TRHDE: variants seen among roughly 807,000 people sequenced by gnomAD.
The protein encoded by TRHDE is thyrotropin-releasing hormone-degrading ectoenzyme.
In TRHDE, 72 loss-of-function variants were observed where a neutral mutation model predicts 125.7. That is an observed-to-expected ratio of 0.57 (90% CI 0.47 to 0.70). TRHDE has a LOEUF of 0.70. TRHDE is among the 30% of genes least tolerant of loss of function. The pLI is 0.00. For missense variants in TRHDE, 1,110 were observed against 1,327.1 expected (o/e 0.84, Z 2.54); for synonymous variants, 509 against 509.1 (o/e 1.00, Z 0.00).
chr12:72,624,249 T>A (rs1195865362), intron 15 of TRHDE, among the ~76,000 whole-genome samples: 1 of 144,148 alleles, frequency 6.9e-6, no homozygotes, highest in East Asian at 2.0e-4. Flanking sequence ...AGGAAAGAAC[T>A]TTTTTTTTTT....
intron 2 of TRHDE, among the ~76,000 whole-genome samples, chr12:72,373,718 G>T (rs191187271): frequency 1.3e-4 from 20 of 152,270 alleles, no homozygotes; most frequent in African/African-American, 4.8e-4. Context: ...CTAGCCATGG[G>T]GCTATCTAGG....
chr12:72,550,633 C>T (rs550206305), intron 7 of TRHDE, among the ~76,000 whole-genome samples: 10 of 151,816 alleles, frequency 6.6e-5, no homozygotes, highest in South Asian at 4.2e-4. Flanking sequence ...TAATATATTT[C>T]GCTTTGTCCA....
intron 5 of TRHDE, among the ~76,000 whole-genome samples, chr12:72,477,578 G>C (rs1167297396): frequency 6.6e-6 from 1 of 152,104 alleles, no homozygotes; most frequent in Non-Finnish European, 1.5e-5. Context: ...ATTATTGGAT[G>C]GATTAAGTTA....
At chr12:72,096,191 G>T (rs1160806014) in intron 1 of TRHDE, among the ~76,000 whole-genome samples, 1 of 147,738 alleles carries the variant, frequency 6.8e-6, no homozygotes. Context: ...GTATTTCTCT[G>T]GAGCACTCTG....
chr12:72,332,522 G>A (rs141062238), intron 2 of TRHDE, among the ~76,000 whole-genome samples: 66 of 152,170 alleles, frequency 4.3e-4, no homozygotes, highest in African/African-American at 1.4e-3. Context: ...TGAGAGATCC[G>A]CCCCCATGAT....
chr12:72,238,275 AATATATATATATAT>A (rs71071820), intron 2 of TRHDE, among the ~76,000 whole-genome samples: 1,073 of 38,184 alleles, frequency 0.028, 58 homozygotes, highest in Non-Finnish European at 0.036. Flanking sequence ...TCAGATCCTT[AATATATATATATAT>A]ATATATATAT....
intron 2 of TRHDE, among the ~76,000 whole-genome samples, chr12:72,243,742 A>G (rs1473921732): frequency 2.0e-5 from 3 of 152,162 alleles, no homozygotes; most frequent in Non-Finnish European, 2.9e-5. Context: ...CTGTTTTAAG[A>G]CCTTTTCAAC....
chr12:72,567,338 A>G (rs1432505825), intron 9 of TRHDE, among the ~76,000 whole-genome samples: 1 of 151,886 alleles, frequency 6.6e-6, no homozygotes, highest in African/African-American at 2.4e-5. Flanking sequence ...AGTATAGGAT[A>G]TAGTTTTAAA....
chr12:72,146,512 T>G (rs1876229917), intron 2 of TRHDE, among the ~76,000 whole-genome samples: 1 of 152,160 alleles, frequency 6.6e-6, no homozygotes, highest in Non-Finnish European at 1.5e-5. Context: ...AATTAATGGG[T>G]CAGAAAAGAG....
intron 2 of TRHDE, among the ~76,000 whole-genome samples, chr12:72,261,656 T>C (rs889080106): frequency 1.3e-5 from 2 of 152,138 alleles, no homozygotes; most frequent in Non-Finnish European, 2.9e-5. Flanking sequence ...ATAGAGTTTG[T>C]GGGCAAAATG....
chr12:72,512,516 TATATATAATATATATGATTATATATATTC>T, intron 6 of TRHDE, among the ~76,000 whole-genome samples: 1 of 137,624 alleles, frequency 7.3e-6, no homozygotes, highest in African/African-American at 2.7e-5. Context: ...ATAATTATAT[TATATATAATATATATGATTATATATATTC>T]ATATATAATC....
chr12:72,646,969 T>C (rs1379355579), intron 15 of TRHDE, among the ~76,000 whole-genome samples: 1 of 151,926 alleles, frequency 6.6e-6, no homozygotes, highest in African/African-American at 2.4e-5. Flanking sequence ...ATAAACCAAA[T>C]GGACTTAACA....
chr12:72,271,937 G>T (rs1414863209), upstream of TRHDE: 1 of 456,510 alleles, frequency 2.2e-6, no homozygotes, highest in Non-Finnish European at 4.4e-6. Flanking sequence ...GCCGTTTGCC[G>T]CCACCGCCGC....
At chr12:72,612,041 C>T (rs1565809838) in intron 12 of TRHDE, among the ~76,000 whole-genome samples, 2 of 152,280 alleles carry the variant, frequency 1.3e-5, no homozygotes, top group East Asian at 1.9e-4. Flanking sequence ...CAACTTTATA[C>T]CCTAACCTTT....
At chr12:72,161,178 T>C (rs1390853592) in intron 2 of TRHDE, among the ~76,000 whole-genome samples, 1 of 152,166 alleles carries the variant, frequency 6.6e-6, no homozygotes, top group Non-Finnish European at 1.5e-5. Flanking sequence ...CTCATACCTG[T>C]AATCCCAGCA....
At chr12:72,446,004 G>A (rs1427822072) in intron 3 of TRHDE, among the ~76,000 whole-genome samples, 3 of 151,756 alleles carry the variant, frequency 2.0e-5, no homozygotes, top group Non-Finnish European at 2.9e-5. Flanking sequence ...ATCCCCATTT[G>A]TATTTCTCCT....
chr12:72,605,498 C>T (rs188610170), intron 12 of TRHDE, among the ~76,000 whole-genome samples: 1 of 152,016 alleles, frequency 6.6e-6, no homozygotes, highest in Admixed American at 6.6e-5. Context: ...GTGGACACAA[C>T]TGTATTTTAG....
chr12:72,362,803 C>T (rs1242909050), intron 2 of TRHDE, among the ~76,000 whole-genome samples: 1 of 152,050 alleles, frequency 6.6e-6, no homozygotes, highest in Non-Finnish European at 1.5e-5. Context: ...TTTCCCAGCA[C>T]CATTTATTAA....
At chr12:72,602,997 G>C (rs1270098195) in intron 12 of TRHDE, among the ~76,000 whole-genome samples, 1 of 152,108 alleles carries the variant, frequency 6.6e-6, no homozygotes, top group African/African-American at 2.4e-5. Context: ...GTTAGCAATA[G>C]CCATAACAAC....
Sources: gnomAD v4.1 joint callset for allele counts (sites outside exome capture counted in the v4.1 genomes callset) on GRCh38, gnomAD v4.1.1 for gene constraint, MANE v1.5 for transcripts, NCBI Gene and HGNC (gene_info 2026-07-23, HGNC 2026-07-21) for gene names.